The following POU3F4 variants were observed in gnomAD, a reference collection of about 807,000 sequenced individuals.
POU3F4 encodes POU class 3 homeobox 4.
In POU3F4, 2 loss-of-function variants were observed where a neutral mutation model predicts 15.2. The observed-to-expected ratio is 0.13, with a 90% CI of 0.05 to 0.42. The LOEUF is 0.42. Ranked by LOEUF, POU3F4 falls within the 10% of genes least tolerant of loss-of-function variation. POU3F4 has a pLI of 0.99. For missense variants in POU3F4, 220 were observed against 297.0 expected, an observed-to-expected ratio of 0.74 and a Z score of 1.91; for synonymous variants, 158 against 133.3, an observed-to-expected ratio of 1.19 and a Z score of -1.28.
Position 83,509,000 on chromosome X carries a change from G to T in POU3F4, c.676G>T (p.Val226Leu), listed in dbSNP as rs1240532337. The stretch of plus-strand genomic sequence containing the variant: ...GGCGCTGGGCACACTGTATGGTAAC[G>T]TGTTCTCGCAGACCACCATCTGCAG... ...GLALGTLYGN[V>L]FSQTTICRFE... Residue 226 changes from valine (V) to leucine (L), a missense_variant, in exon 1 of 1, where the codon GTG becomes TTG. By Grantham distance (32) the Val-to-Leu change is conservative. Coordinates refer to ENST00000644024, the MANE Select transcript of POU3F4 (RefSeq NM_000307.5). 1 of 1,212,255 alleles carries T rather than the reference G, an allele frequency of 8.2e-7. No homozygotes were observed. The highest frequency in any genetic ancestry group is 1.8e-5 in the South Asian group (1 of 57,015).
At position 83,508,348 on chromosome X, in the gene POU3F4, C is replaced by T. The variant is rs756362293; in HGVS notation, c.24C>T (p.Pro8=). 10 of 1,210,781 alleles carry T rather than the reference C, an allele frequency of 8.3e-6. No individual in the cohort carries two copies. In the African/African-American group the frequency reaches 1.6e-4, roughly 19 times the overall value. The change falls in exon 1 of 1, where the codon CCC becomes CCT. Residue 8 remains proline (P), a synonymous_variant. Coordinates refer to ENST00000644024, the MANE Select transcript of POU3F4 (RefSeq NM_000307.5). MATAASN[P]YSILSSTSLV... ...CCATGGCCACAGCTGCCTCGAATCC[C>T]TACAGCATTCTCAGTTCCACCTCCC...
Position 83,509,427 on chromosome X carries a change from G to A in POU3F4, c.*17G>A, listed in dbSNP as rs1173662616. ...GATCTCTGACTGGAGGAAGCGAGGA[G>A]GCGGCCGGCCGCACTGGGAGCAGCG... On this transcript the variant is annotated 3_prime_UTR_variant, in exon 1 of 1. Transcript: ENST00000644024. The A allele has an allele frequency of 1.7e-6, 2 of 1,189,817 alleles. No individual in the cohort carries two copies. Among genetic ancestry groups the A allele is most frequent in the Non-Finnish European group, 2.3e-6 (2 of 884,097 alleles).
At position 83,508,518 on chromosome X, in the gene POU3F4, G is replaced by A; in HGVS notation, c.194G>A (p.Gly65Asp). The change falls in exon 1 of 1, where the codon GGC becomes GAC. Residue 65 changes from glycine (G) to aspartate (D), a missense_variant. By Grantham distance (94) the Gly-to-Asp change is moderately conservative. This residue lies in a region of POU3F4 where 161 missense variants were observed against 154.1 expected (regional missense o/e 1.05). Coordinates refer to ENST00000644024, the MANE Select transcript of POU3F4 (RefSeq NM_000307.5). The part of the protein sequence containing the change: ...HHWVTSLSDG[G>D]PWSSTLATSP... ...TGGGTGACCAGTCTGAGCGACGGGGGCCCATGGTCCTCCACACTGGCCACC... is the reference window on the plus strand; with the variant it reads ...TGGGTGACCAGTCTGAGCGACGGGGACCCATGGTCCTCCACACTGGCCACC... 2 of 1,203,238 alleles carry A rather than the reference G, an allele frequency of 1.7e-6. No homozygotes were observed. The highest frequency in any genetic ancestry group is 2.2e-6 in the Non-Finnish European group (2 of 891,002).
Position 83,509,107 on chromosome X carries a change from G to T in POU3F4, c.783G>T (p.Ser261=). The T allele has an allele frequency of 2.5e-6, 3 of 1,211,782 alleles. No individual in the cohort carries two copies. The highest frequency in any genetic ancestry group is 3.4e-6 in the Non-Finnish European group (3 of 895,500). The change falls in exon 1 of 1, where the codon TCG becomes TCT. Residue 261 remains serine (S), a synonymous_variant. Transcript: ENST00000644024. ...LLNKWLEEAD[S]STGSPTSIDK... ...ACAAGTGGCTGGAGGAGGCGGATTC[G>T]TCCACAGGGAGCCCGACCAGCATTG...
Position 83,509,385 on chromosome X carries a change from C to A in POU3F4, c.1061C>A (p.Thr354Lys). 8.3e-7 allele frequency: 1 copy of A among 1,204,648 alleles called. No individual in the cohort carries two copies. The highest frequency in any genetic ancestry group is 1.1e-6 in the Non-Finnish European group (1 of 891,602). Residue 354 changes from threonine to lysine, a missense_variant, in exon 1 of 1, where the codon ACA becomes AAA. Coordinates refer to ENST00000644024, the MANE Select transcript of POU3F4 (RefSeq NM_000307.5). ...GAGGTTTATTCGCACACCGTGAAAA[C>A]AGACACATCTTGCCATGATCTCTGA... is the stretch of plus-strand genomic sequence containing the variant. ...PHEVYSHTVK[T>K]DTSCHDL
chrX:83,510,981 T>TGA lies in POU3F4; in HGVS notation c.*1572_*1573dup, dbSNP rs1324894798. On this transcript the variant is annotated 3_prime_UTR_variant, in exon 1 of 1. Coordinates refer to ENST00000644024, the MANE Select transcript of POU3F4 (RefSeq NM_000307.5). Reference sequence around the variant, plus strand: ...TCGTGGGGAGCTGTCTCGGCGTTTCTGATAAGCACAGCTGGTGGAAGCCCA... The same window carrying TGA: ...TCGTGGGGAGCTGTCTCGGCGTTTCTGAGATAAGCACAGCTGGTGGAAGCCCA... 1 of 109,842 alleles carries TGA rather than the reference T, an allele frequency of 9.1e-6. No homozygotes were observed. 9.1% of individuals were successfully genotyped at this position (109,842 alleles called of 1,213,427 possible). A position where few individuals can be genotyped will look rare whatever the true frequency, so the allele number is the denominator to read the frequency against.
In POU3F4 at chrX:83,508,574, G is replaced by T. The variant is rs1250947545; in HGVS notation, c.250G>T (p.Gly84Trp). 4 of 1,206,747 alleles carry T rather than the reference G, an allele frequency of 3.3e-6. No individual in the cohort carries two copies. The highest frequency in any genetic ancestry group is 4.5e-6 in the Non-Finnish European group (4 of 893,060). The change falls in exon 1 of 1, where the codon GGG (glycine) becomes TGG (tryptophan). Residue 84 changes from glycine (G) to tryptophan (W), a missense_variant. Gly to Trp is a radical substitution (Grantham distance 184). Around this residue, in one of 5 missense-constraint regions of POU3F4, gnomAD observed 161 missense variants for 154.1 expected, o/e 1.05. Transcript: ENST00000644024. ...CCTGGACCAGCAGGACGTGAAGCCC[G>T]GGCGCGAAGACCTGCAACTGGGTGC... ...SPLDQQDVKPGREDLQLGAII... is the reference protein window; with the variant it reads ...SPLDQQDVKPWREDLQLGAII...
At position 83,508,900 on chromosome X, in the gene POU3F4, T is replaced by C. The variant is rs1925843593; in HGVS notation, c.576T>C (p.Asp192=). The stretch of plus-strand genomic sequence containing the variant: ...CCGACGAGGAGACGCCAACCTCTGA[T>C]GAGTTGGAACAGTTCGCCAAACAAT... The part of the protein sequence containing the change: ...DHSDEETPTS[D]ELEQFAKQFK... Residue 192 remains aspartate, a synonymous_variant, in exon 1 of 1, where the codon GAT becomes GAC. Coordinates refer to ENST00000644024, the MANE Select transcript of POU3F4 (RefSeq NM_000307.5). The C allele has an allele frequency of 8.3e-7, 1 of 1,211,795 alleles. No homozygotes were observed. Among genetic ancestry groups the C allele is most frequent in the Non-Finnish European group, 1.1e-6 (1 of 895,496 alleles).
rs1925861012 is a variant in POU3F4, at chrX:83,509,514, T to C, written c.*104T>C. On this transcript the variant is annotated 3_prime_UTR_variant, in exon 1 of 1. Transcript: ENST00000644024. ...TCTAGTATTCTTTATTATTTTTCTC[T>C]CTCTCTCGTTCGCTCGCTCTCTCGT... 1 of 1,077,144 alleles carries C rather than the reference T, an allele frequency of 9.3e-7. No homozygotes were observed. Among genetic ancestry groups the C allele is most frequent in the Admixed American group, 2.7e-5 (1 of 37,662 alleles). The allele number at this position is 1,077,144 out of a possible 1,213,427, so 88.8% of individuals were successfully genotyped here. A position where few individuals can be genotyped will look rare whatever the true frequency, so the allele number is the denominator to read the frequency against.
Position 83,510,973 on chromosome X carries a change from G to C in POU3F4, c.*1563G>C, listed in dbSNP as rs994464651. On this transcript the variant is annotated 3_prime_UTR_variant, in exon 1 of 1. Coordinates refer to ENST00000644024, the MANE Select transcript of POU3F4 (RefSeq NM_000307.5). ...GTGTGGGCTCGTGGGGAGCTGTCTCGGCGTTTCTGATAAGCACAGCTGGTG... is the reference window on the plus strand; with the variant it reads ...GTGTGGGCTCGTGGGGAGCTGTCTCCGCGTTTCTGATAAGCACAGCTGGTG... The C allele has an allele frequency of 2.7e-5, 3 of 109,665 alleles. No individual in the cohort carries two copies. The highest frequency in any genetic ancestry group is 5.7e-5 in the Non-Finnish European group (3 of 52,540). 9.0% of individuals were successfully genotyped at this position (109,665 alleles called of 1,213,427 possible).
At position 83,508,539 on chromosome X, in the gene POU3F4, C is replaced by T. The variant is rs778214819; in HGVS notation, c.215C>T (p.Ala72Val). Residue 72 changes from alanine (A) to valine (V), a missense_variant, in exon 1 of 1, where the codon GCC becomes GTC. Physicochemically the swap from Ala to Val is moderately conservative, Grantham distance 64. Transcript: ENST00000644024. ...SDGGPWSSTL[A>V]TSPLDQQDVK... The stretch of plus-strand genomic sequence containing the variant: ...GGGGGCCCATGGTCCTCCACACTGG[C>T]CACCAGCCCCCTGGACCAGCAGGAC... 2.9e-5 allele frequency: 35 copies of T among 1,203,415 alleles called. No homozygotes were observed. Among genetic ancestry groups the T allele is most frequent in the Non-Finnish European group, 3.7e-5 (33 of 891,091 alleles).
Position 83,508,926 on chromosome X carries a change from TCAAA to T in POU3F4, c.607_610del (p.Gln203GlufsTer37), listed in dbSNP as rs876657719. On this transcript the variant is annotated frameshift_variant, in exon 1 of 1. Coordinates refer to ENST00000644024, the MANE Select transcript of POU3F4 (RefSeq NM_000307.5). LOFTEE classifies it high-confidence loss of function. ...GAGTTGGAACAGTTCGCCAAACAAT[TCAAA>T]CAAAGAAGAATCAAGTTGGGCTTCA... The T allele has an allele frequency of 8.3e-7, 1 of 1,211,797 alleles. No individual in the cohort carries two copies.
Position 83,510,446 on chromosome X carries a change from C to A in POU3F4, c.*1036C>A, listed in dbSNP as rs1410082793. ...TTTGCAAACTAGTGCGAAGTAGCAG[C>A]GGCGATTTCGCAGCTTTCTGCCCTC... On this transcript the variant is annotated 3_prime_UTR_variant, in exon 1 of 1. Transcript: ENST00000644024. The A allele has an allele frequency of 9.0e-6, 1 of 111,592 alleles. No individual in the cohort carries two copies. The highest frequency in any genetic ancestry group is 1.9e-5 in the Non-Finnish European group (1 of 53,096). The allele number at this position is 111,592 out of a possible 1,213,427, so 9.2% of individuals were successfully genotyped here.
Position 83,508,746 on chromosome X carries a change from T to C in POU3F4, c.422T>C (p.Val141Ala). 1 of 1,207,335 alleles carries C rather than the reference T, an allele frequency of 8.3e-7. No homozygotes were observed. The highest frequency in any genetic ancestry group is 1.7e-5 in the African/African-American group (1 of 57,773). Residue 141 changes from valine (V) to alanine (A), a missense_variant, in exon 1 of 1, where the codon GTG (valine) becomes GCG (alanine). Around this residue, in one of 5 missense-constraint regions of POU3F4, gnomAD observed 161 missense variants for 154.1 expected, o/e 1.05. Coordinates refer to ENST00000644024, the MANE Select transcript of POU3F4 (RefSeq NM_000307.5). ...GTGTACTCGCAGCCTGGCTTCACCG[T>C]GAGCGGCATGCTGGAACACGGGGGA... ...LNVYSQPGFT[V>A]SGMLEHGGLT...
In POU3F4 at chrX:83,509,320, A is replaced by G. The variant is rs1216784979; in HGVS notation, c.996A>G (p.Lys332=). 5.0e-6 allele frequency: 6 copies of G among 1,211,247 alleles called. No individual in the cohort carries two copies. The highest frequency in any genetic ancestry group is 6.7e-6 in the Non-Finnish European group (6 of 895,179). Residue 332 remains lysine (K), a synonymous_variant, in exon 1 of 1, where the codon AAA becomes AAG. Transcript: ENST00000644024. ...VRVWFCNRRQ[K]EKRMTPPGDQ... Reference sequence around the variant, plus strand: ...TCTGGTTCTGTAATCGAAGACAAAAAGAGAAAAGAATGACTCCGCCAGGGG... The same window carrying G: ...TCTGGTTCTGTAATCGAAGACAAAAGGAGAAAAGAATGACTCCGCCAGGGG...
rs774302063 is a variant in POU3F4, at chrX:83,509,071, G to A, written c.747G>A (p.Lys249=). Residue 249 remains lysine, a synonymous_variant, in exon 1 of 1, where the codon AAG becomes AAA. Transcript: ENST00000644024. ...GCTTCAAAAATATGTGCAAGCTGAA[G>A]CCCCTGCTGAACAAGTGGCTGGAGG... is the stretch of plus-strand genomic sequence containing the variant. ...QLSFKNMCKL[K]PLLNKWLEEA... 3 of 1,212,081 alleles carry A rather than the reference G, an allele frequency of 2.5e-6. No individual in the cohort carries two copies. The highest frequency in any genetic ancestry group is 3.5e-5 in the South Asian group (2 of 57,014).
In POU3F4 at chrX:83,512,096, A is replaced by G. The variant is rs1366731453; in HGVS notation, c.*2686A>G. On this transcript the variant is annotated 3_prime_UTR_variant, in exon 1 of 1. Transcript: ENST00000644024. ...ATTTTATTGTTGTAAAAGATTAAAA[A>G]GGTTTAAATAAAACATTTTTCCAAA... The G allele has an allele frequency of 8.9e-6, 1 of 112,768 alleles. No homozygotes were observed. The highest frequency in any genetic ancestry group is 1.9e-5 in the Non-Finnish European group (1 of 53,412). The allele number at this position is 112,768 out of a possible 1,213,427, so 9.3% of individuals were successfully genotyped here.
In POU3F4 at chrX:83,510,787, G is replaced by GC; in HGVS notation, c.*1382dup. ...CATTTCGGTTCACCTCCAGTTCACC[G>GC]CCCCCTCTGAGTAAGAAACCCTTGG... On this transcript the variant is annotated 3_prime_UTR_variant, in exon 1 of 1. Transcript: ENST00000644024. The GC allele has an allele frequency of 8.8e-6, 1 of 113,546 alleles. No individual in the cohort carries two copies. Among genetic ancestry groups the GC allele is most frequent in the East Asian group, 2.8e-4 (1 of 3,613 alleles). 9.4% of individuals were successfully genotyped at this position (113,546 alleles called of 1,213,427 possible).
At position 83,508,599 on chromosome X, in the gene POU3F4, C is replaced by A. The variant is rs1424403763; in HGVS notation, c.275C>A (p.Ala92Glu). 6 of 1,209,552 alleles carry A rather than the reference C, an allele frequency of 5.0e-6. No individual in the cohort carries two copies. The South Asian group carries it at 5.3e-5, about 11-fold the overall frequency. The change falls in exon 1 of 1, where the codon GCG (alanine) becomes GAG (glutamate). Residue 92 changes from alanine (A) to glutamate (E), a missense_variant. Transcript: ENST00000644024. ...KPGREDLQLGAIIHHRSPHVA... is the reference protein window; with the variant it reads ...KPGREDLQLGEIIHHRSPHVA... ...GGGCGCGAAGACCTGCAACTGGGTG[C>A]GATCATCCATCACCGCTCGCCACAC...
Sources: allele counts gnomAD v4.1 joint callset, GRCh38; gene constraint gnomAD v4.1.1; regional missense constraint gnomAD v4.1.1; transcripts MANE v1.5; gene names NCBI Gene and HGNC (gene_info 2026-07-23, HGNC 2026-07-21).